Variants in SYT14 observed in about 807,000 individuals in gnomAD.
The protein encoded by SYT14 is synaptotagmin-14.
In SYT14, 32 loss-of-function variants were observed where a neutral mutation model predicts 74.2. The ratio of observed to expected loss-of-function variants is 0.43; its 90% CI spans 0.33 to 0.58. SYT14 has a LOEUF of 0.58. Ranked by LOEUF, SYT14 falls within the 20% of genes least tolerant of loss-of-function variation. SYT14 has a pLI of 0.05. For synonymous variants in SYT14, 298 were observed against 337.7 expected (o/e 0.88, Z 1.29); for missense variants, 791 against 981.8 (o/e 0.81, Z 2.60).
rs186696028 is a variant in SYT14 at position 209,986,902 on chromosome 1, A to G, written c.-485-26731A>G. Among the ~76,000 whole-genome samples, 318 of 152,308 alleles carry G rather than the reference A, an allele frequency of 2.1e-3. 1 individual carries two copies. Among genetic ancestry groups the G allele is most frequent in the African/African-American group, 6.9e-3 (286 of 41,574 alleles). On this transcript the variant is annotated intron_variant, in intron 2 of 9. Transcript: ENST00000637265. Reference sequence around the variant, plus strand: ...CTCCCAAAGTGCTGGGATTACAGGCATGAGCCACCATACCCGACCCAATTA... The same window carrying G: ...CTCCCAAAGTGCTGGGATTACAGGCGTGAGCCACCATACCCGACCCAATTA...
At chr1:210,042,546 A>T (rs1425934471) in intron 5 of SYT14, among the ~76,000 whole-genome samples, 1 of 152,220 alleles carries the variant, frequency 6.6e-6, no homozygotes, top group Non-Finnish European at 1.5e-5. Flanking sequence ...ATAAGGTGTA[A>T]GGAAGGGATA....
chr1:209,971,417 T>A (rs146163704), intron 2 of SYT14, among the ~76,000 whole-genome samples: 347 of 152,310 alleles, frequency 2.3e-3, no homozygotes, highest in African/African-American at 7.7e-3. Context: ...CTTCCAGTAT[T>A]ATGTTGAATA....
chr1:209,962,278 A>T lies in SYT14; in HGVS notation c.-486+9522A>T, dbSNP rs367932022. On this transcript the variant is annotated intron_variant, in intron 2 of 9. Coordinates refer to ENST00000637265, the Ensembl canonical transcript of SYT14. ...GCGTAGATATCTTTTTTTTATATAT[A>T]TATATAGCTCAGTGACTTCTAGACA... Among the ~76,000 whole-genome samples the T allele has an allele frequency of 1.8e-4, 28 of 151,692 alleles. No homozygotes were observed. In the East Asian group the frequency reaches 3.5e-3, roughly 19 times the overall value.
chr1:210,003,874 A>T (rs536523956), intron 2 of SYT14, among the ~76,000 whole-genome samples: 11 of 152,238 alleles, frequency 7.2e-5, no homozygotes, highest in African/African-American at 2.6e-4. Context: ...ATTTAATTTT[A>T]TTCACAAATG....
rs147481736 is a variant in SYT14 at position 210,132,567 on chromosome 1, T to TTTTGTGTGTGTG, written c.2035-23153_2035-23152insTTGTGTGTGTGT. Among the ~76,000 whole-genome samples, 1,173 of 145,060 alleles carry TTTTGTGTGTGTG rather than the reference T, an allele frequency of 8.1e-3. 12 individuals are homozygous for TTTTGTGTGTGTG. Among genetic ancestry groups the TTTTGTGTGTGTG allele is most frequent in the Non-Finnish European group, 0.012 (769 of 66,088 alleles). ...TCTAAGATGATGATGATTTTATATA[T>TTTTGTGTGTGTG]TGTGTGTGTGTGTGTGTGTGTGTGT... On this transcript the variant is annotated intron_variant, in intron 7 of 9. Transcript: ENST00000637265.
At chr1:210,041,074 T>C (rs227194) in intron 5 of SYT14, among the ~76,000 whole-genome samples, 179 of 152,266 alleles carry the variant, frequency 1.2e-3, no homozygotes, top group Admixed American at 2.6e-3. Context: ...AAAGGAAATG[T>C]GGGCAGTCAG....
intron 2 of SYT14, among the ~76,000 whole-genome samples, chr1:209,959,021 A>G (rs1476742054): frequency 1.3e-5 from 2 of 152,250 alleles, no homozygotes; most frequent in South Asian, 2.1e-4. Flanking sequence ...AAAAAAAAAT[A>G]GAGTTACCAT....
chr1:210,003,486 T>A (rs1030164861), intron 2 of SYT14, among the ~76,000 whole-genome samples: 4 of 152,204 alleles, frequency 2.6e-5, no homozygotes, highest in Non-Finnish European at 5.9e-5. Flanking sequence ...TTCTCCAGTT[T>A]AAATTTTATG....
chr1:210,066,119 T>C (rs924688189), intron 5 of SYT14, among the ~76,000 whole-genome samples: 7 of 151,868 alleles, frequency 4.6e-5, no homozygotes, highest in Non-Finnish European at 1.0e-4. Flanking sequence ...CTTAATCCAG[T>C]CTATCATTGT....
chr1:210,052,665 C>CAAAAAAAAAA (rs561069342), intron 5 of SYT14, among the ~76,000 whole-genome samples: 451 of 42,182 alleles, frequency 0.011, 67 homozygotes, highest in African/African-American at 0.042. Flanking sequence ...TACATCTCAC[C>CAAAAAAAAAA]AAAAAAAAAA....
rs561069342 is a variant in SYT14 at position 210,052,665 on chromosome 1, C to CAAAAAAAAAAAAAAAAAA, written c.1312+31413_1312+31430dup. The stretch of plus-strand genomic sequence containing the variant: ...CAGCAAGAGCGAAACTACATCTCAC[C>CAAAAAAAAAAAAAAAAAA]AAAAAAAAAAAAAAAAAAAGCTCTC... On this transcript the variant is annotated intron_variant, in intron 5 of 9. Transcript: ENST00000637265. Among the ~76,000 whole-genome samples the CAAAAAAAAAAAAAAAAAA allele has an allele frequency of 5.4e-3, 228 of 42,214 alleles. 28 individuals carry two copies. Among genetic ancestry groups the CAAAAAAAAAAAAAAAAAA allele is most frequent in the Non-Finnish European group, 6.9e-3 (162 of 23,592 alleles). The allele number at this position is 42,214 out of a possible 152,430, so 27.7% of individuals were successfully genotyped here.
chr1:210,136,743 A>T (rs181488493), intron 7 of SYT14, among the ~76,000 whole-genome samples: 2 of 152,328 alleles, frequency 1.3e-5, no homozygotes, highest in Admixed American at 1.3e-4. Context: ...CGAAGACCTC[A>T]CCGTAGCCTC....
At chr1:209,997,740 A>T (rs2102865491) in intron 2 of SYT14, among the ~76,000 whole-genome samples, 1 of 152,230 alleles carries the variant, frequency 6.6e-6, no homozygotes, top group Middle Eastern at 3.4e-3. Flanking sequence ...TACTGTGCTC[A>T]CTACCTGGGT....
intron 1 of SYT14, among the ~76,000 whole-genome samples, chr1:209,950,608 A>T (rs926528151): frequency 1.3e-5 from 2 of 152,204 alleles, no homozygotes; most frequent in African/African-American, 4.8e-5. Flanking sequence ...ATTTTTAATA[A>T]GAAAGAAGCA....
At position 210,159,410 on chromosome 1, in the gene SYT14, CCT is replaced by C. The variant is rs1558230165; in HGVS notation, c.2225-10_2225-9del. ...TTATTTCTTTTACTGCTTTCCACCC[CCT>C]GTTGTCAGATGGACTGTTCTGTTGT... On this transcript the variant is annotated splice_polypyrimidine_tract_variant and intron_variant, in intron 8 of 9. Transcript: ENST00000637265. 2 of 1,551,326 alleles carry C rather than the reference CCT, an allele frequency of 1.3e-6. No individual in the cohort carries two copies. The highest frequency in any genetic ancestry group is 1.7e-6 in the Non-Finnish European group (2 of 1,146,736).
rs1486775589 is a variant in SYT14, at chr1:209,986,693, C to T, written c.-485-26940C>T. On this transcript the variant is annotated intron_variant, in intron 2 of 9. Transcript: ENST00000637265. Reference sequence around the variant, plus strand: ...TTTTTGAGACGGAGTCTCACTCTGTCGCCCAGTGCAACCTCTGCCTCCCGG... The same window carrying T: ...TTTTTGAGACGGAGTCTCACTCTGTTGCCCAGTGCAACCTCTGCCTCCCGG... 2.6e-5 allele frequency among the ~76,000 whole-genome samples: 4 copies of T among 152,198 alleles called. No homozygotes were observed. In the South Asian group the frequency reaches 6.2e-4, roughly 24 times the overall value.
At chr1:210,066,630 T>C (rs1295823850) in intron 5 of SYT14, among the ~76,000 whole-genome samples, 1 of 152,162 alleles carries the variant, frequency 6.6e-6, no homozygotes, top group Non-Finnish European at 1.5e-5. Context: ...TGTTAGCCCG[T>C]TGTCAGATGA....
At chr1:210,120,289 A>G (rs1243394760) in intron 7 of SYT14, among the ~76,000 whole-genome samples, 4 of 152,042 alleles carry the variant, frequency 2.6e-5, no homozygotes, top group Admixed American at 1.3e-4. Context: ...TCAGTCAACA[A>G]CAGATCACAT....
intron 5 of SYT14, among the ~76,000 whole-genome samples, chr1:210,035,790 G>T (rs1016864912): frequency 1.3e-5 from 2 of 152,024 alleles, no homozygotes; most frequent in Non-Finnish European, 2.9e-5. Flanking sequence ...CCAGTACCAT[G>T]CTGTTTTGGT....
Sources: allele counts gnomAD v4.1 joint callset (sites outside exome capture counted in the v4.1 genomes callset), GRCh38; gene constraint gnomAD v4.1.1; transcripts MANE v1.5; gene names NCBI Gene and HGNC (gene_info 2026-07-23, HGNC 2026-07-21).